Variants in PPP2R3A observed in about 807,000 individuals in gnomAD.
The protein encoded by PPP2R3A is protein phosphatase 2 regulatory subunit B''alpha, also known as serine/threonine-protein phosphatase 2A regulatory subunit B'' subunit alpha.
PPP2R3A carries 80 observed loss-of-function variants against 106.9 expected under a neutral mutation model. The ratio of observed to expected loss-of-function variants is 0.75; its 90% CI spans 0.62 to 0.90. PPP2R3A has a LOEUF of 0.90. PPP2R3A is among the 40% of genes least tolerant of loss of function. The probability of loss-of-function intolerance (pLI) is 0.00; values close to 1 mark genes in which losing one functional copy is unlikely to be tolerated. For synonymous variants in PPP2R3A, 483 were observed against 468.3 expected (o/e 1.03, Z -0.41); for missense variants, 1,386 against 1,350.4 (o/e 1.03, Z -0.41).
intron 13 of PPP2R3A, among the ~76,000 whole-genome samples, chr3:136,123,775 A>G (rs1938083857): frequency 6.6e-6 from 1 of 152,252 alleles, no homozygotes; most frequent in East Asian, 1.9e-4. Context: ...CAGACTTGAA[A>G]GGAGAAATAG....
intron 1 of PPP2R3A, among the ~76,000 whole-genome samples, chr3:135,995,311 T>C (rs1933341187): frequency 6.6e-6 from 1 of 152,176 alleles, no homozygotes; most frequent in Admixed American, 6.5e-5. Flanking sequence ...TTTTCTCATA[T>C]TTTATCTCAT....
intron 2 of PPP2R3A, chr3:136,023,223 T>G: frequency 6.5e-7 from 1 of 1,531,244 alleles, no homozygotes; most frequent in Non-Finnish European, 8.9e-7. Context: ...GGGTGTTTTG[T>G]TTTGTTTTGT....
intron 13 of PPP2R3A, chr3:136,106,926 C>CAAAAAAAAA (rs36029618): frequency 2.2e-4 from 9 of 41,732 alleles, no homozygotes; most frequent in African/African-American, 5.0e-4. Context: ...ACTCCGTCTC[C>CAAAAAAAAA]AAAAAAAAAA....
At chr3:136,114,054 C>T (rs115090695) in intron 13 of PPP2R3A, among the ~76,000 whole-genome samples, 1,632 of 152,250 alleles carry the variant, frequency 0.011, 31 homozygotes, top group African/African-American at 0.037. Flanking sequence ...CTGCATTCCC[C>T]GCTGAGGTAC....
chr3:136,110,281 G>A, intron 13 of PPP2R3A, among the ~76,000 whole-genome samples: 1 of 152,016 alleles, frequency 6.6e-6, no homozygotes, highest in Non-Finnish European at 1.5e-5. Context: ...ACCCTTGGAA[G>A]GAGACACAAT....
At chr3:135,974,999 G>T (rs756675725) in intron 1 of PPP2R3A, among the ~76,000 whole-genome samples, 35 of 152,196 alleles carry the variant, frequency 2.3e-4, no homozygotes, top group Non-Finnish European at 3.4e-4. Context: ...GAATACTGCT[G>T]TTGTGAGTAC....
intron 10 of PPP2R3A, among the ~76,000 whole-genome samples, chr3:136,099,917 TAA>T (rs553102059): frequency 7.2e-5 from 9 of 125,174 alleles, no homozygotes; most frequent in Admixed American, 1.6e-4. Flanking sequence ...TAACAGTTCT[TAA>T]AAAAAAAAAA....
chr3:136,006,898 G>A (rs1933864534), intron 2 of PPP2R3A, among the ~76,000 whole-genome samples: 2 of 152,168 alleles, frequency 1.3e-5, no homozygotes, highest in Admixed American at 1.3e-4. Flanking sequence ...AATATAAAGG[G>A]AAATTGCAGA....
At chr3:136,103,162 AACATAT>A (rs1027051154) in intron 11 of PPP2R3A, 90 bp from the exon 12 acceptor site, 1 of 584,194 alleles carries the variant, frequency 1.7e-6, no homozygotes. Flanking sequence ...TTTTATAATA[AACATAT>A]ACCTATACTT....
chr3:136,033,732 C>A (rs1277018874), intron 3 of PPP2R3A, among the ~76,000 whole-genome samples: 1 of 152,048 alleles, frequency 6.6e-6, no homozygotes, highest in Admixed American at 6.6e-5. Context: ...GTTGTAATAT[C>A]TCCTGTTTTG....
chr3:136,071,105 A>T (rs999675932), intron 6 of PPP2R3A, among the ~76,000 whole-genome samples: 1 of 152,258 alleles, frequency 6.6e-6, no homozygotes, highest in African/African-American at 2.4e-5. Context: ...ACACAGGCCC[A>T]CAGGGCACGG....
intron 13 of PPP2R3A, among the ~76,000 whole-genome samples, chr3:136,141,158 A>T (rs1938858182): frequency 6.6e-6 from 1 of 152,202 alleles, no homozygotes; most frequent in African/African-American, 2.4e-5. Context: ...GAAGGAGACA[A>T]ATAAATAAGA....
intron 2 of PPP2R3A, among the ~76,000 whole-genome samples, chr3:136,010,793 CT>C (rs909828979): frequency 5.3e-5 from 8 of 152,126 alleles, no homozygotes; most frequent in African/African-American, 1.9e-4. Context: ...CTCCCATCAA[CT>C]CACAAACACT....
Position 136,001,332 on chromosome 3 carries a change from A to G in PPP2R3A, c.-167A>G. 1.6e-6 allele frequency: 1 copy of G among 620,780 alleles called. No individual in the cohort carries two copies. Among genetic ancestry groups the G allele is most frequent in the East Asian group, 2.8e-5 (1 of 36,196 alleles). 38.5% of individuals were successfully genotyped at this position (620,780 alleles called of 1,614,324 possible). A position where few individuals can be genotyped will look rare whatever the true frequency, so the allele number is the denominator to read the frequency against. ...CAGCTACTGTATCCTGATAGTGACC[A>G]AACCTCAAATATAAATGGTTTCCCT... On this transcript the variant is annotated 5_prime_UTR_variant, in exon 2 of 14. Transcript: ENST00000264977.
At chr3:136,073,621 C>A (rs1936509029) in intron 6 of PPP2R3A, among the ~76,000 whole-genome samples, 1 of 152,048 alleles carries the variant, frequency 6.6e-6, no homozygotes, top group African/African-American at 2.4e-5. Flanking sequence ...GTAAACAAGA[C>A]CTAATTGGGA....
chr3:136,082,807 A>G (rs1225200859), intron 8 of PPP2R3A, among the ~76,000 whole-genome samples: 1 of 152,242 alleles, frequency 6.6e-6, no homozygotes, highest in East Asian at 1.9e-4. Context: ...GCCAAGCATG[A>G]AAATAATGTT....
In PPP2R3A at chr3:135,984,052, C is replaced by T. The variant is rs555709707; in HGVS notation, c.-440-17007C>T. On this transcript the variant is annotated intron_variant, in intron 1 of 13. Coordinates refer to ENST00000264977, the MANE Select transcript of PPP2R3A (RefSeq NM_002718.5). ...AACAGAAATCCACCTTTTTGTTCAT[C>T]CTATCCAGGTTACTATAACAACTTC... 7.6e-4 allele frequency among the ~76,000 whole-genome samples: 115 copies of T among 152,144 alleles called. 1 individual carries two copies. Among genetic ancestry groups the T allele is most frequent in the Admixed American group, 1.2e-3 (18 of 15,278 alleles).
intron 1 of PPP2R3A, 54 bp downstream of exon 1, chr3:135,965,903 G>C (rs554134991): frequency 6.6e-6 from 1 of 152,280 alleles, no homozygotes; most frequent in Non-Finnish European, 1.5e-5. Context: ...CCCTCGTCCC[G>C]GCCCGAGGGG....
intron 13 of PPP2R3A, among the ~76,000 whole-genome samples, chr3:136,116,451 T>C (rs1937764573): frequency 6.6e-6 from 1 of 152,124 alleles, no homozygotes; most frequent in Non-Finnish European, 1.5e-5. Context: ...GACTGGCAAA[T>C]TGGATAGAGT....
Sources: allele counts gnomAD v4.1 joint callset (sites outside exome capture counted in the v4.1 genomes callset), GRCh38; gene constraint gnomAD v4.1.1; transcripts MANE v1.5; gene names NCBI Gene and HGNC (gene_info 2026-07-23, HGNC 2026-07-21).